IMMP2L: variants seen among roughly 807,000 people sequenced by gnomAD.
IMMP2L encodes inner mitochondrial membrane peptidase subunit 2, also known as mitochondrial inner membrane protease subunit 2.
Under a neutral mutation model 19.3 loss-of-function variants are expected in IMMP2L, and 18 were observed. The observed-to-expected ratio is 0.93, with a 90% CI of 0.64 to 1.38. The LOEUF is 1.38. Ranked by LOEUF, IMMP2L falls within the 40% of genes most tolerant of loss-of-function variation. The probability of loss-of-function intolerance (pLI) is 0.00; values close to 1 mark genes in which losing one functional copy is unlikely to be tolerated. For missense variants in IMMP2L, 233 were observed against 218.2 expected (o/e 1.07, Z -0.43); for synonymous variants, 76 against 73.0 (o/e 1.04, Z -0.21).
chr7:111,130,877 C>T (rs531926800), intron 3 of IMMP2L, among the ~76,000 whole-genome samples: 10 of 152,032 alleles, frequency 6.6e-5, no homozygotes, highest in African/African-American at 2.2e-4. Context: ...GTCACCTATT[C>T]AATAAAAAAC....
chr7:111,042,105 T>A (rs1399495039), intron 3 of IMMP2L, among the ~76,000 whole-genome samples: 1 of 152,346 alleles, frequency 6.6e-6, no homozygotes, highest in Non-Finnish European at 1.5e-5. Flanking sequence ...AAATATTCCT[T>A]ATAATCCCCC....
chr7:110,837,848 A>T (rs1032129502), intron 5 of IMMP2L, among the ~76,000 whole-genome samples: 1 of 152,198 alleles, frequency 6.6e-6, no homozygotes, highest in Non-Finnish European at 1.5e-5. Flanking sequence ...AGCATAATTT[A>T]GACATGAAAA....
intron 4 of IMMP2L, among the ~76,000 whole-genome samples, chr7:110,952,944 T>G (rs1817982235): frequency 6.6e-6 from 1 of 152,110 alleles, no homozygotes. Context: ...AATATAGTCA[T>G]GATATCTTGG....
intron 3 of IMMP2L, among the ~76,000 whole-genome samples, chr7:111,096,636 G>T (rs981918296): frequency 6.6e-6 from 1 of 151,676 alleles, no homozygotes; most frequent in African/African-American, 2.4e-5. Context: ...CAGACACTTG[G>T]CAAAGGTCTC....
chr7:110,713,419 T>G (rs1795028751), intron 5 of IMMP2L, among the ~76,000 whole-genome samples: 1 of 152,204 alleles, frequency 6.6e-6, no homozygotes, highest in Non-Finnish European at 1.5e-5. Flanking sequence ...CATACGAATT[T>G]TAAAATAGAT....
intron 3 of IMMP2L, among the ~76,000 whole-genome samples, chr7:111,376,268 C>T (rs1381404566): frequency 6.6e-6 from 1 of 152,060 alleles, no homozygotes; most frequent in Non-Finnish European, 1.5e-5. Flanking sequence ...ATCTCATTAA[C>T]TTAAAATACA....
intron 3 of IMMP2L, among the ~76,000 whole-genome samples, chr7:111,006,101 C>A (rs10953672): frequency 6.6e-6 from 1 of 151,868 alleles, no homozygotes; most frequent in South Asian, 2.1e-4. Flanking sequence ...CACATTTTAG[C>A]GTAAATTATG....
intron 3 of IMMP2L, among the ~76,000 whole-genome samples, chr7:111,287,245 T>C (rs544736137): frequency 9.9e-5 from 15 of 152,162 alleles, no homozygotes; most frequent in Non-Finnish European, 1.9e-4. Context: ...AGAAGGAGCA[T>C]ATATCCTGCT....
intron 3 of IMMP2L, among the ~76,000 whole-genome samples, chr7:111,138,549 T>C (rs143548341): frequency 6.6e-6 from 1 of 152,334 alleles, no homozygotes; most frequent in East Asian, 1.9e-4. Flanking sequence ...CTATTTTACA[T>C]TGTACTAGGC....
chr7:111,547,139 G>A (rs1849001177), intron 1 of IMMP2L, among the ~76,000 whole-genome samples: 1 of 152,180 alleles, frequency 6.6e-6, no homozygotes, highest in Non-Finnish European at 1.5e-5. Context: ...ACCACTGACT[G>A]CAATCTTGAG....
chr7:111,092,893 C>T (rs913566850), intron 3 of IMMP2L, among the ~76,000 whole-genome samples: 2 of 152,190 alleles, frequency 1.3e-5, no homozygotes, highest in African/African-American at 4.8e-5. Context: ...ACTAACCACA[C>T]AGTTAACAGA....
At chr7:110,821,624 A>G (rs543472884) in intron 5 of IMMP2L, among the ~76,000 whole-genome samples, 1 of 152,128 alleles carries the variant, frequency 6.6e-6, no homozygotes, top group African/African-American at 2.4e-5. Context: ...TAGAAAAAGG[A>G]AAGGTAGGCT....
chr7:110,925,847 G>A (rs1814791202), intron 4 of IMMP2L, among the ~76,000 whole-genome samples: 1 of 151,882 alleles, frequency 6.6e-6, no homozygotes, highest in Non-Finnish European at 1.5e-5. Context: ...GCAAAAATAG[G>A]AGGATATAAT....
chr7:110,891,754 T>C (rs1810823517), intron 4 of IMMP2L, among the ~76,000 whole-genome samples: 1 of 151,750 alleles, frequency 6.6e-6, no homozygotes, highest in African/African-American at 2.4e-5. Context: ...ACTAAATAAG[T>C]GGGTTAAAAA....
chr7:111,393,044 T>G (rs1433351909), intron 3 of IMMP2L: 1 of 328,568 alleles, frequency 3.0e-6, no homozygotes, highest in African/African-American at 2.2e-5. Context: ...AGTGATTAGC[T>G]CAATCTCCAG....
At chr7:111,510,124 G>A (rs943273656) in intron 2 of IMMP2L, among the ~76,000 whole-genome samples, 8 of 152,136 alleles carry the variant, frequency 5.3e-5, no homozygotes, top group African/African-American at 1.9e-4. Flanking sequence ...GAAGAAAATA[G>A]AGCTTGAGTT....
intron 3 of IMMP2L, among the ~76,000 whole-genome samples, chr7:111,295,608 C>T (rs868364540): frequency 4.0e-4 from 60 of 151,886 alleles, no homozygotes; most frequent in Middle Eastern, 3.4e-3. Flanking sequence ...TCTTATTATA[C>T]GGTTATTCAT....
intron 3 of IMMP2L, among the ~76,000 whole-genome samples, chr7:111,465,241 AT>A (rs1356085098): frequency 2.6e-5 from 4 of 152,038 alleles, no homozygotes; most frequent in African/African-American, 9.7e-5. Context: ...CTTACGACGT[AT>A]TTTTGATAAT....
chr7:111,259,513 C>T (rs1817080541), intron 3 of IMMP2L, among the ~76,000 whole-genome samples: 1 of 151,942 alleles, frequency 6.6e-6, no homozygotes, highest in Admixed American at 6.6e-5. Context: ...GTGGCACATG[C>T]CTGTAGTCCT....
Sources: allele counts gnomAD v4.1 joint callset (sites outside exome capture counted in the v4.1 genomes callset), GRCh38; gene constraint gnomAD v4.1.1; transcripts MANE v1.5; gene names NCBI Gene and HGNC (gene_info 2026-07-23, HGNC 2026-07-21).